TAF1A: variants seen among roughly 807,000 people sequenced by gnomAD.
TAF1A encodes the protein TATA-box binding protein associated factor, RNA polymerase I subunit A, also known as TATA box-binding protein-associated factor RNA polymerase I subunit A.
Under a neutral mutation model 61.6 loss-of-function variants are expected in TAF1A, and 42 were observed. The observed-to-expected ratio is 0.68, with a 90% confidence interval of 0.53 to 0.88. The LOEUF (loss-of-function observed/expected upper bound fraction) is 0.88, where lower values mean the gene tolerates loss of function less well. Among genes scored for constraint, TAF1A ranks in the 40% least tolerant of loss-of-function variants. The pLI, the probability that TAF1A is intolerant of heterozygous loss-of-function variation, is 0.00. For missense variants in TAF1A, 424 were observed against 518.7 expected (o/e 0.82, Z 1.77); for synonymous variants, 179 against 177.7 (o/e 1.01, Z -0.06).
At chr1:222,578,984 T>C (rs1660682084) in intron 4 of TAF1A, among the ~76,000 whole-genome samples, 1 of 152,198 alleles carries the variant, frequency 6.6e-6, no homozygotes, top group Non-Finnish European at 1.5e-5. Context: ...AGTTTACTCT[T>C]CACACTCCCT....
chr1:222,587,789 T>C (rs922819449), intron 2 of TAF1A, among the ~76,000 whole-genome samples: 3 of 152,138 alleles, frequency 2.0e-5, no homozygotes, highest in Non-Finnish European at 2.9e-5. Context: ...CAGTGGCTCA[T>C]GCCTGTAATC....
intron 10 of TAF1A, among the ~76,000 whole-genome samples, chr1:222,560,215 A>C (rs986217417): frequency 6.6e-6 from 1 of 152,210 alleles, no homozygotes; most frequent in African/African-American, 2.4e-5. Flanking sequence ...AACCAGAGCA[A>C]GAAGAAAACC....
In TAF1A at chr1:222,564,139, CA is replaced by C; in HGVS notation, c.895-15del. 1 of 1,522,672 alleles carries C rather than the reference CA, an allele frequency of 6.6e-7. No individual in the cohort carries two copies. The highest frequency in any genetic ancestry group is 9.0e-7 in the Non-Finnish European group (1 of 1,106,768). The allele number at this position is 1,522,672 out of a possible 1,614,324, so 94.3% of individuals were successfully genotyped here. ...CTGATACAAAATCTGAAAGAAAGAACAGTCTTGTAATCTTTACATACTTGTA... is the reference window on the plus strand; with the variant it reads ...CTGATACAAAATCTGAAAGAAAGAACGTCTTGTAATCTTTACATACTTGTA... On this transcript the variant is annotated splice_polypyrimidine_tract_variant and intron_variant, in intron 7 of 10. Transcript: ENST00000352967.
In TAF1A at chr1:222,579,887, A is replaced by T; in HGVS notation, c.292-15T>A. On this transcript the variant is annotated splice_polypyrimidine_tract_variant and intron_variant, in intron 3 of 10. Coordinates refer to ENST00000352967, the MANE Select transcript of TAF1A (RefSeq NM_005681.4). ...TTCCAAATAATCTGTCAAAGCAGAAATTACTGCCAAAATGTAAAATTTTTG... is the reference window on the plus strand; with the variant it reads ...TTCCAAATAATCTGTCAAAGCAGAATTTACTGCCAAAATGTAAAATTTTTG... 1 of 1,586,856 alleles carries T rather than the reference A, an allele frequency of 6.3e-7. No individual in the cohort carries two copies. The highest frequency in any genetic ancestry group is 8.5e-7 in the Non-Finnish European group (1 of 1,172,064).
chr1:222,559,817 A>C (rs1257209091), intron 10 of TAF1A, among the ~76,000 whole-genome samples: 1 of 152,078 alleles, frequency 6.6e-6, no homozygotes, highest in African/African-American at 2.4e-5. Context: ...GCACCCAGCT[A>C]GTAACGTTTT....
intron 10 of TAF1A, among the ~76,000 whole-genome samples, chr1:222,559,914 T>C (rs913478258): frequency 6.6e-6 from 1 of 152,168 alleles, no homozygotes; most frequent in East Asian, 1.9e-4. Context: ...AAAAACAAAA[T>C]ACTTTGCACA....
At chr1:222,560,126 A>C (rs758244182) in intron 10 of TAF1A, among the ~76,000 whole-genome samples, 4 of 152,154 alleles carry the variant, frequency 2.6e-5, no homozygotes, top group Admixed American at 6.5e-5. Context: ...GGAAAGAAAG[A>C]GAGCCACCAT....
intron 7 of TAF1A, chr1:222,569,128 A>T: frequency 1.9e-6 from 1 of 529,404 alleles, no homozygotes; most frequent in Admixed American, 5.2e-5. Flanking sequence ...TCTGGGGGCG[A>T]CAGAAATGTT....
In TAF1A at chr1:222,579,724, C is replaced by T. The variant is rs752887940; in HGVS notation, c.405+35G>A. The stretch of plus-strand genomic sequence containing the variant: ...AAGCAATTAGAAAAAAAAAAGAATA[C>T]TGCAAGTGTAAATTCACAAAGCCCA... On this transcript the variant is annotated intron_variant, in intron 4 of 10. Coordinates refer to ENST00000352967, the MANE Select transcript of TAF1A (RefSeq NM_005681.4). 10 of 1,583,194 alleles carry T rather than the reference C, an allele frequency of 6.3e-6. No homozygotes were observed. The Admixed American group carries it at 1.8e-4, about 28-fold the overall frequency.
At chr1:222,580,773 A>G in intron 3 of TAF1A, among the ~76,000 whole-genome samples, 1 of 78,450 alleles carries the variant, frequency 1.3e-5, no homozygotes, top group Admixed American at 1.7e-4. Context: ...GAAAAGCAGG[A>G]AAAAAAAAAA....
intron 3 of TAF1A, 54 bp from the exon 4 acceptor site, chr1:222,579,926 CTGTCT>C: frequency 6.4e-7 from 1 of 1,573,104 alleles, no homozygotes; most frequent in East Asian, 2.3e-5. Context: ...TAACCAATTT[CTGTCT>C]AAGATATTGT....
chr1:222,579,828 T>C lies in TAF1A; in HGVS notation c.336A>G (p.Lys112=), dbSNP rs760042978. The C allele has an allele frequency of 1.2e-6, 2 of 1,609,762 alleles. No individual in the cohort carries two copies. The highest frequency in any genetic ancestry group is 1.7e-6 in the Non-Finnish European group (2 of 1,179,016). The change falls in exon 4 of 11, where the codon AAA becomes AAG. Residue 112 remains lysine, a synonymous_variant. Coordinates refer to ENST00000352967, the MANE Select transcript of TAF1A (RefSeq NM_005681.4). ...AAGTATTGAAACTCTCCATGTTGCTTTTGGGATGATAAAATAGAATTTCAC... is the reference window on the plus strand; with the variant it reads ...AAGTATTGAAACTCTCCATGTTGCTCTTGGGATGATAAAATAGAATTTCAC... ...LGSEILFYHP[K]SNMESFNTFA...
chr1:222,588,554 A>T lies in TAF1A; in HGVS notation c.10T>A (p.Phe4Ile). Residue 4 changes from phenylalanine (F) to isoleucine (I), a missense_variant, in exon 2 of 11, where the codon TTC (phenylalanine) becomes ATC (isoleucine). Physicochemically the swap from Phe to Ile is conservative, Grantham distance 21. Transcript: ENST00000352967. ...ACAGGCCCTTTTAATTCTTCACTGA[A>T]ATCACTCATACCTATTACAAGATGA... MSD[F>I]SEELKGPVTD... is the part of the protein sequence containing the mutation. 6.2e-7 allele frequency: 1 copy of T among 1,613,948 alleles called. No homozygotes were observed. The highest frequency in any genetic ancestry group is 2.2e-5 in the East Asian group (1 of 44,846).
intron 2 of TAF1A, among the ~76,000 whole-genome samples, chr1:222,585,344 T>A (rs1460564121): frequency 6.6e-6 from 1 of 151,638 alleles, no homozygotes; most frequent in Admixed American, 6.6e-5. Flanking sequence ...AGAATTTATG[T>A]CAATTAAAAA....
chr1:222,563,320 G>A (rs766756805), intron 8 of TAF1A, 24 bp from the exon 9 acceptor site: 7 of 1,608,456 alleles, frequency 4.4e-6, no homozygotes, highest in Admixed American at 1.7e-5. Context: ...AACAGTTCAA[G>A]TTTACATAAG....
In TAF1A at chr1:222,563,158, CTG is replaced by C. The variant is rs756197575; in HGVS notation, c.1085+13_1085+14del. 6.3e-7 allele frequency: 1 copy of C among 1,589,330 alleles called. No individual in the cohort carries two copies. The highest frequency in any genetic ancestry group is 1.1e-5 in the South Asian group (1 of 89,324). On this transcript the variant is annotated intron_variant, in intron 9 of 10. Coordinates refer to ENST00000352967, the MANE Select transcript of TAF1A (RefSeq NM_005681.4). ...ATTTATGATGACCTAGTAATAAACA[CTG>C]TATGTTTCTTACCCCATTAAGATAT...
At chr1:222,566,309 C>G (rs548967384) in intron 7 of TAF1A, among the ~76,000 whole-genome samples, 2 of 152,292 alleles carry the variant, frequency 1.3e-5, no homozygotes, top group South Asian at 4.1e-4. Context: ...TAGCGGTCCC[C>G]AACTTTTTTG....
chr1:222,588,531 A>G lies in TAF1A; in HGVS notation c.33T>C (p.Pro11=). The G allele has an allele frequency of 6.2e-7, 1 of 1,614,058 alleles. No individual in the cohort carries two copies. Among genetic ancestry groups the G allele is most frequent in the Non-Finnish European group, 8.5e-7 (1 of 1,179,958 alleles). Residue 11 remains proline (P), a synonymous_variant, in exon 2 of 11, where the codon CCT becomes CCC. Coordinates refer to ENST00000352967, the MANE Select transcript of TAF1A (RefSeq NM_005681.4). MSDFSEELKG[P]VTDDEEVETS... Reference sequence around the variant, plus strand: ...TTTCCACTTCTTCATCATCTGTCACAGGCCCTTTTAATTCTTCACTGAAAT... The same window carrying G: ...TTTCCACTTCTTCATCATCTGTCACGGGCCCTTTTAATTCTTCACTGAAAT...
chr1:222,554,586 C>T (rs565532296), downstream of TAF1A, among the ~76,000 whole-genome samples: 14 of 149,718 alleles, frequency 9.4e-5, no homozygotes, highest in African/African-American at 3.1e-4. Flanking sequence ...CAAAAGGGCA[C>T]ACCTATCTGT....
Sources: gnomAD v4.1 joint callset for allele counts (sites outside exome capture counted in the v4.1 genomes callset) on GRCh38, gnomAD v4.1.1 for gene constraint, MANE v1.5 for transcripts, NCBI Gene and HGNC (gene_info 2026-07-23, HGNC 2026-07-21) for gene names.